The following WIPF3 variants were observed in gnomAD, a reference collection of about 807,000 sequenced individuals.
WIPF3 encodes WAS/WASL interacting protein family member 3.
A neutral mutation model predicts 38.9 loss-of-function variants in WIPF3; 33 were observed. The observed-to-expected ratio is 0.85, with a 90% CI of 0.64 to 1.14. WIPF3 has a LOEUF of 1.14. Ranked by LOEUF, WIPF3 falls within the 50% of genes most tolerant of loss-of-function variation. WIPF3 has a pLI of 0.00. For missense variants in WIPF3, 711 were observed against 652.5 expected, an observed-to-expected ratio of 1.09 and a Z score of -0.98; for synonymous variants, 324 against 269.3, an observed-to-expected ratio of 1.20 and a Z score of -1.99.
Position 29,884,613 on chromosome 7 carries a change from C to T in WIPF3, c.1099+20C>T, listed in dbSNP as rs1785833127. 1 of 1,592,724 alleles carries T rather than the reference C, an allele frequency of 6.3e-7. No individual in the cohort carries two copies. Among genetic ancestry groups the T allele is most frequent in the Non-Finnish European group, 8.5e-7 (1 of 1,171,728 alleles). ...GACCAGGTAAGGAGCGCTGCCTGGC[C>T]CAGTGCCCCTGGTGGAGTGCGATAA... On this transcript the variant is annotated intron_variant, in intron 5 of 8. Transcript: ENST00000242140.
chr7:29,813,169 C>T (rs146525415), intron 1 of WIPF3, among the ~76,000 whole-genome samples: 185 of 152,294 alleles, frequency 1.2e-3, no homozygotes, highest in African/African-American at 4.2e-3. Context: ...TGATTTCCTC[C>T]TTGGCTCTAT....
At chr7:29,832,152 T>G (rs755445090) in intron 1 of WIPF3, among the ~76,000 whole-genome samples, 2 of 152,230 alleles carry the variant, frequency 1.3e-5, no homozygotes, top group Non-Finnish European at 1.5e-5. Flanking sequence ...CCTCTAGATA[T>G]TCTCGTTCTG....
Position 29,879,009 on chromosome 7 carries a change from G to T in WIPF3, c.224G>T (p.Ser75Ile), listed in dbSNP as rs778941404. 3.1e-6 allele frequency: 5 copies of T among 1,596,176 alleles called. No homozygotes were observed. The South Asian group carries it at 4.5e-5, about 15-fold the overall frequency. ...INDRSAPQIESSKGTNKEGGG... is the reference protein window; with the variant it reads ...INDRSAPQIEISKGTNKEGGG... Reference sequence around the variant, plus strand: ...GCCTATTTGTGTCTTCTCTCTAAAGGTTCTAAAGGAACCAACAAAGAAGGA... The same window carrying T: ...GCCTATTTGTGTCTTCTCTCTAAAGTTTCTAAAGGAACCAACAAAGAAGGA... The change falls in exon 4 of 9, where the codon AGT (serine) becomes ATT (isoleucine). Residue 75 changes from serine to isoleucine, a missense_variant and splice_region_variant. Coordinates refer to ENST00000242140, the MANE Select transcript of WIPF3 (RefSeq NM_001080529.3).
At chr7:29,867,066 A>G (rs1242437737) in intron 2 of WIPF3, among the ~76,000 whole-genome samples, 6 of 152,254 alleles carry the variant, frequency 3.9e-5, no homozygotes, top group Admixed American at 3.3e-4. Context: ...GAATTAATAC[A>G]TGCAAAGCAG....
chr7:29,909,705 AGACAAC>A (rs1445587920), intron 8 of WIPF3, among the ~76,000 whole-genome samples: 1 of 152,050 alleles, frequency 6.6e-6, no homozygotes, highest in Non-Finnish European at 1.5e-5. Flanking sequence ...GAGCCAGCCT[AGACAAC>A]ATAGCGAACC....
chr7:29,835,700 C>T (rs1351505367), intron 2 of WIPF3, among the ~76,000 whole-genome samples: 2 of 152,248 alleles, frequency 1.3e-5, no homozygotes, highest in Non-Finnish European at 2.9e-5. Flanking sequence ...ATTTTCCATT[C>T]CTCACACCAC....
intron 4 of WIPF3, among the ~76,000 whole-genome samples, chr7:29,883,319 TCTTAC>T (rs2128075397): frequency 6.6e-6 from 1 of 152,292 alleles, no homozygotes; most frequent in African/African-American, 2.4e-5. Flanking sequence ...CTCCCTCCAG[TCTTAC>T]CTTATGTATT....
chr7:29,863,770 A>C (rs1181882345), intron 2 of WIPF3, among the ~76,000 whole-genome samples: 1 of 152,218 alleles, frequency 6.6e-6, no homozygotes, highest in Non-Finnish European at 1.5e-5. Context: ...TTAAGAATCC[A>C]TATGCTGTGC....
intron 2 of WIPF3, among the ~76,000 whole-genome samples, chr7:29,861,869 C>T (rs961650049): frequency 6.6e-6 from 1 of 152,086 alleles, no homozygotes. Context: ...TTGTTGTCAT[C>T]GTTATTTGGG....
At chr7:29,821,718 A>G (rs1784539500) in intron 1 of WIPF3, among the ~76,000 whole-genome samples, 1 of 152,216 alleles carries the variant, frequency 6.6e-6, no homozygotes, top group Non-Finnish European at 1.5e-5. Context: ...AAAACCAGTT[A>G]TCTTTTTCAT....
intron 1 of WIPF3, among the ~76,000 whole-genome samples, chr7:29,810,045 G>A (rs1298619225): frequency 1.3e-5 from 2 of 152,178 alleles, no homozygotes; most frequent in Admixed American, 1.3e-4. Context: ...GTCTGTGTGA[G>A]TGCACATGTG....
At chr7:29,904,634 A>G (rs189866752) in intron 8 of WIPF3, 85 of 414,978 alleles carry the variant, frequency 2.0e-4, no homozygotes, top group African/African-American at 1.6e-3. Context: ...AATCATGCCA[A>G]TCACTTCCCA....
chr7:29,849,861 A>T (rs955447103), intron 2 of WIPF3, among the ~76,000 whole-genome samples: 1 of 152,232 alleles, frequency 6.6e-6, no homozygotes, highest in Non-Finnish European at 1.5e-5. Flanking sequence ...TAGAACAGAA[A>T]CATGTCAGAT....
At chr7:29,909,465 C>T (rs1786462981) in intron 8 of WIPF3, among the ~76,000 whole-genome samples, 1 of 152,088 alleles carries the variant, frequency 6.6e-6, no homozygotes, top group African/African-American at 2.4e-5. Flanking sequence ...AAAGTGGATA[C>T]ATTACTACTA....
chr7:29,849,415 C>G (rs527283371), intron 2 of WIPF3, among the ~76,000 whole-genome samples: 1 of 152,254 alleles, frequency 6.6e-6, no homozygotes, highest in South Asian at 2.1e-4. Context: ...TGTTCTCTGC[C>G]CTTGTACAAG....
intron 2 of WIPF3, among the ~76,000 whole-genome samples, chr7:29,837,900 T>G (rs1395000338): frequency 2.6e-5 from 4 of 152,180 alleles, no homozygotes; most frequent in Non-Finnish European, 5.9e-5. Context: ...ATATTTTTAT[T>G]TATTTATTTA....
At chr7:29,829,236 A>G (rs1248087604) in intron 1 of WIPF3, among the ~76,000 whole-genome samples, 16 of 128,460 alleles carry the variant, frequency 1.2e-4, no homozygotes, top group East Asian at 9.1e-4. Context: ...TTTTTGAGAC[A>G]GAGTCTTGCT....
chr7:29,869,432 T>C (rs1037063902), intron 2 of WIPF3, among the ~76,000 whole-genome samples: 1 of 152,236 alleles, frequency 6.6e-6, no homozygotes, highest in Admixed American at 6.5e-5. Context: ...CTGATTTCTA[T>C]TTACCATCTT....
intron 1 of WIPF3, among the ~76,000 whole-genome samples, chr7:29,830,366 C>G (rs1011901119): frequency 9.2e-5 from 14 of 151,726 alleles, no homozygotes; most frequent in African/African-American, 2.9e-4. Context: ...AAAATGGAAG[C>G]AGGGATATAA....
Sources: allele counts gnomAD v4.1 joint callset (sites outside exome capture counted in the v4.1 genomes callset), GRCh38; gene constraint gnomAD v4.1.1; transcripts MANE v1.5; gene names NCBI Gene and HGNC (gene_info 2026-07-23, HGNC 2026-07-21).